The following EXPH5 variants were observed in gnomAD, a reference collection of about 807,000 sequenced individuals.
The protein encoded by EXPH5 is exophilin 5, also known as exophilin-5.
Under a neutral mutation model 41.1 loss-of-function variants are expected in EXPH5, and 42 were observed. The observed-to-expected ratio is 1.02, with a 90% CI of 0.80 to 1.32. EXPH5 has a LOEUF of 1.32. Among genes scored for constraint, EXPH5 ranks in the 40% most tolerant of loss-of-function variants. The pLI is 0.00. For synonymous variants in EXPH5, 798 were observed against 833.5 expected (o/e 0.96, Z 0.73); for missense variants, 2,298 against 2,314.5 (o/e 0.99, Z 0.15).
intron 1 of EXPH5, among the ~76,000 whole-genome samples, chr11:108,569,381 G>A (rs184536426): frequency 8.5e-4 from 130 of 152,078 alleles, no homozygotes; most frequent in African/African-American, 2.8e-3. Context: ...TCTCTGTCAC[G>A]CAAGCTGGAG....
rs545490109 is a variant in EXPH5, at chr11:108,546,991, C to T, written c.120-5179G>A. Among the ~76,000 whole-genome samples, 351 of 151,104 alleles carry T rather than the reference C, an allele frequency of 2.3e-3. 1 individual carries two copies. Among genetic ancestry groups the T allele is most frequent in the African/African-American group, 7.7e-3 (317 of 41,170 alleles). ...CTAATTTTTGTATTTTTAGTAGAGACGGGGTTTCACCATATTGGCCAGGCT... is the reference window on the plus strand; with the variant it reads ...CTAATTTTTGTATTTTTAGTAGAGATGGGGTTTCACCATATTGGCCAGGCT... On this transcript the variant is annotated intron_variant, in intron 1 of 5. Transcript: ENST00000265843.
In EXPH5 at chr11:108,512,889, G is replaced by A. The variant is rs116692943; in HGVS notation, c.2618C>T (p.Ser873Leu). The A allele has an allele frequency of 3.5e-4, 561 of 1,614,028 alleles. 1 individual carries two copies. The highest frequency in any genetic ancestry group is 1.5e-3 in the Admixed American group (90 of 60,020). The change falls in exon 6 of 6, where the codon TCG (serine) becomes TTG (leucine). Residue 873 changes from serine to leucine, a missense_variant. Ser to Leu is a moderately radical substitution (Grantham distance 145, BLOSUM62 -2). Coordinates refer to ENST00000265843, the MANE Select transcript of EXPH5 (RefSeq NM_015065.3). ...KCKLTPGHKT[S>L]CDSLDLSSAA... ...TGATGACAGATCTAAAGAATCACAC[G>A]AGGTCTTGTGGCCAGGAGTTAACTT...
Position 108,513,900 on chromosome 11 carries a change from C to T in EXPH5, c.1607G>A (p.Gly536Asp). ...SSEHWESFSS[G>D]YGTDVSRGQE... Reference sequence around the variant, plus strand: ...GCCTCTGGAAACATCTGTTCCATAACCAGAAGAAAATGATTCCCAGTGTTC... The same window carrying T: ...GCCTCTGGAAACATCTGTTCCATAATCAGAAGAAAATGATTCCCAGTGTTC... The change falls in exon 6 of 6, where the codon GGT (glycine) becomes GAT (aspartate). Residue 536 changes from glycine (G) to aspartate (D), a missense_variant. Coordinates refer to ENST00000265843, the MANE Select transcript of EXPH5 (RefSeq NM_015065.3). The T allele has an allele frequency of 6.2e-7, 1 of 1,610,938 alleles. No homozygotes were observed. The highest frequency in any genetic ancestry group is 8.5e-7 in the Non-Finnish European group (1 of 1,178,930).
In EXPH5 at chr11:108,513,135, T is replaced by C; in HGVS notation, c.2372A>G (p.Asp791Gly). Residue 791 changes from aspartate to glycine, a missense_variant, in exon 6 of 6, where the codon GAC becomes GGC. Physicochemically the swap from Asp to Gly is moderately conservative, Grantham distance 94. Coordinates refer to ENST00000265843, the MANE Select transcript of EXPH5 (RefSeq NM_015065.3). ...MYIPHTDKSN[D>G]IKQDKRFTEN... ...AGTAAACCTCTTATCTTGTTTAATG[T>C]CATTGGATTTATCTGTGTGCGGTAT... 3.1e-6 allele frequency: 5 copies of C among 1,612,204 alleles called. No individual in the cohort carries two copies. Among genetic ancestry groups the C allele is most frequent in the Non-Finnish European group, 4.2e-6 (5 of 1,179,642 alleles).
intron 4 of EXPH5, among the ~76,000 whole-genome samples, chr11:108,523,655 T>C (rs1162959794): frequency 2.0e-5 from 3 of 152,198 alleles, no homozygotes; most frequent in African/African-American, 7.2e-5. Flanking sequence ...GCAGATTGCT[T>C]GAGCTCCAGA....
intron 1 of EXPH5, among the ~76,000 whole-genome samples, chr11:108,578,601 G>A (rs540505244): frequency 6.6e-6 from 1 of 152,184 alleles, no homozygotes; most frequent in East Asian, 1.9e-4. Context: ...GTATTGCATT[G>A]ATTCTATAGA....
At chr11:108,561,535 C>T (rs2094011606) in intron 1 of EXPH5, among the ~76,000 whole-genome samples, 1 of 152,144 alleles carries the variant, frequency 6.6e-6, no homozygotes, top group Non-Finnish European at 1.5e-5. Context: ...GGGAGTCTGT[C>T]CTACTCATAG....
At chr11:108,576,796 T>G (rs1234538612) in intron 1 of EXPH5, among the ~76,000 whole-genome samples, 2 of 152,186 alleles carry the variant, frequency 1.3e-5, no homozygotes, top group African/African-American at 4.8e-5. Context: ...TAAACTCGTT[T>G]CCTTATTGTG....
At chr11:108,545,553 C>G (rs2093934148) in intron 1 of EXPH5, among the ~76,000 whole-genome samples, 1 of 151,936 alleles carries the variant, frequency 6.6e-6, no homozygotes, top group Non-Finnish European at 1.5e-5. Context: ...CAAGTCCCTG[C>G]CTTCATGGGA....
At chr11:108,595,514 C>T (rs571079110), upstream of EXPH5, among the ~76,000 whole-genome samples, 2 of 152,298 alleles carry the variant, frequency 1.3e-5, no homozygotes, top group African/African-American at 4.8e-5. Context: ...CTTTAATGGC[C>T]AGACTGAACA....
At chr11:108,589,976 G>T (rs781069633) in intron 1 of EXPH5, among the ~76,000 whole-genome samples, 1 of 152,086 alleles carries the variant, frequency 6.6e-6, no homozygotes, top group Non-Finnish European at 1.5e-5. Context: ...GTTAGCTGTC[G>T]TTATTACCAC....
the EXPH5 span, among the ~76,000 whole-genome samples, chr11:108,602,512 T>C: frequency 6.6e-6 from 1 of 151,982 alleles, no homozygotes; most frequent in Non-Finnish European, 1.5e-5. Flanking sequence ...TTCTCCCATG[T>C]AACTCACTGT....
intron 2 of EXPH5, among the ~76,000 whole-genome samples, chr11:108,540,681 G>T (rs2093907836): frequency 6.6e-6 from 1 of 152,090 alleles, no homozygotes; most frequent in Non-Finnish European, 1.5e-5. Context: ...TCCTGTGAAA[G>T]CAAGTTTTAG....
intron 1 of EXPH5, among the ~76,000 whole-genome samples, chr11:108,557,805 G>C (rs2093996342): frequency 6.6e-6 from 1 of 152,070 alleles, no homozygotes; most frequent in African/African-American, 2.4e-5. Flanking sequence ...TCTGACTTAG[G>C]GTATGGACTC....
rs1295767609 is a variant in EXPH5, at chr11:108,512,672, T to A, written c.2835A>T (p.Arg945Ser). 6.2e-7 allele frequency: 1 copy of A among 1,614,166 alleles called. No individual in the cohort carries two copies. Among genetic ancestry groups the A allele is most frequent in the Non-Finnish European group, 8.5e-7 (1 of 1,180,014 alleles). ...CATGTGTAGGCACAGGACTATCATT[T>A]CTCTCTTGGTTTTCTGAGTGGCTTA... ...FIVSHSENQE[R>S]NDSPVPTHDE... Residue 945 changes from arginine to serine, a missense_variant, in exon 6 of 6, where the codon AGA becomes AGT. Transcript: ENST00000265843.
rs572006356 is a variant in EXPH5, at chr11:108,523,050, T to A, written c.493-4677A>T. ...ATGTGTGCCACCATGCCTAATTTTT[T>A]AATTTTTTGTAGAAATGGGTTTGCT... On this transcript the variant is annotated intron_variant, in intron 4 of 5. Transcript: ENST00000265843. 3.3e-5 allele frequency among the ~76,000 whole-genome samples: 5 copies of A among 152,148 alleles called. No homozygotes were observed. The East Asian group carries it at 9.7e-4, about 29-fold the overall frequency.
intron 1 of EXPH5, among the ~76,000 whole-genome samples, chr11:108,583,881 T>C (rs919431875): frequency 2.6e-5 from 4 of 151,950 alleles, no homozygotes; most frequent in African/African-American, 9.7e-5. Flanking sequence ...CATCACCACT[T>C]ACAGGAGACA....
intron 2 of EXPH5, among the ~76,000 whole-genome samples, chr11:108,540,673 C>T (rs1461748519): frequency 6.6e-6 from 1 of 152,022 alleles, no homozygotes; most frequent in African/African-American, 2.4e-5. Flanking sequence ...CTCAATAGTC[C>T]TGTGAAAGCA....
rs2093641286 is a variant in EXPH5, at chr11:108,505,777, T to C, written c.*3760A>G. Reference sequence around the variant, plus strand: ...TCTGGCACTTAACAAAGAATATTAATTTTATGGGGCTATGAGTTTTACAGT... The same window carrying C: ...TCTGGCACTTAACAAAGAATATTAACTTTATGGGGCTATGAGTTTTACAGT... On this transcript the variant is annotated 3_prime_UTR_variant, in exon 6 of 6. Transcript: ENST00000265843. 6.6e-6 allele frequency: 1 copy of C among 152,248 alleles called. No individual in the cohort carries two copies. Among genetic ancestry groups the C allele is most frequent in the Admixed American group, 6.5e-5 (1 of 15,280 alleles). 9.4% of individuals were successfully genotyped at this position (152,248 alleles called of 1,614,324 possible). A position where few individuals can be genotyped will look rare whatever the true frequency, so the allele number is the denominator to read the frequency against.
Sources: gnomAD v4.1 joint callset for allele counts (sites outside exome capture counted in the v4.1 genomes callset) on GRCh38, gnomAD v4.1.1 for gene constraint, MANE v1.5 for transcripts, NCBI Gene and HGNC (gene_info 2026-07-23, HGNC 2026-07-21) for gene names.